Variants in TRAK1 observed in about 807,000 individuals in gnomAD.
TRAK1 encodes trafficking kinesin-binding protein 1.
Under a neutral mutation model 92.1 loss-of-function variants are expected in TRAK1, and 33 were observed. That is an observed-to-expected ratio of 0.36 (90% confidence interval 0.27 to 0.48). TRAK1 has a LOEUF of 0.48. Among genes scored for constraint, TRAK1 ranks in the 20% least tolerant of loss-of-function variants. The probability of loss-of-function intolerance (pLI) is 0.99; values close to 1 mark genes in which losing one functional copy is unlikely to be tolerated. For synonymous variants in TRAK1, 521 were observed against 517.3 expected, an observed-to-expected ratio of 1.01 and a Z score of -0.10; for missense variants, 1,123 against 1,257.9, an observed-to-expected ratio of 0.89 and a Z score of 1.62.
intron 2 of TRAK1, chr3:42,151,258 C>T (rs1699914825): frequency 2.3e-6 from 1 of 438,140 alleles, no homozygotes; most frequent in Non-Finnish European, 4.5e-6. Context: ...AAGCCAGTCG[C>T]TTGCCATGGT....
At chr3:42,014,077 C>G (rs1162901884) in exon 1 of TRAK1, 3 of 151,974 alleles carry the variant, frequency 2.0e-5, no homozygotes, top group Non-Finnish European at 4.4e-5. Flanking sequence ...CCCCCCGGCA[C>G]CGCGCCTGCT....
rs576183508 is a variant in TRAK1 at position 42,200,021 on chromosome 3, A to G, written c.1190+768A>G. ...ACACCTAGGGATATGAGCTTCTACCATCTGTCTTCCTACCTCAACTCTTGT... is the reference window on the plus strand; with the variant it reads ...ACACCTAGGGATATGAGCTTCTACCGTCTGTCTTCCTACCTCAACTCTTGT... On this transcript the variant is annotated intron_variant, in intron 11 of 15. Coordinates refer to ENST00000327628, the MANE Select transcript of TRAK1 (RefSeq NM_001042646.3). 2.6e-5 allele frequency among the ~76,000 whole-genome samples: 4 copies of G among 152,336 alleles called. No homozygotes were observed. In the South Asian group the frequency reaches 8.3e-4, roughly 32 times the overall value.
intron 1 of TRAK1, among the ~76,000 whole-genome samples, chr3:42,108,916 A>G (rs1707961407): frequency 6.6e-6 from 1 of 152,226 alleles, no homozygotes; most frequent in Non-Finnish European, 1.5e-5. Flanking sequence ...CAAAGTATGC[A>G]AAAGACTGGA....
intron 7 of TRAK1, among the ~76,000 whole-genome samples, chr3:42,191,952 G>A (rs1705817533): frequency 7.8e-6 from 1 of 128,726 alleles, no homozygotes; most frequent in African/African-American, 2.9e-5. Flanking sequence ...CCAGGCTAGA[G>A]TACAGTAGTT....
intron 1 of TRAK1, among the ~76,000 whole-genome samples, chr3:42,094,652 A>G (rs181764838): frequency 1.3e-5 from 2 of 152,360 alleles, no homozygotes; most frequent in Admixed American, 6.5e-5. Flanking sequence ...AATTATAGGT[A>G]TGAGCCCCAG....
chr3:42,052,257 T>G (rs968206637), intron 1 of TRAK1, among the ~76,000 whole-genome samples: 1 of 152,238 alleles, frequency 6.6e-6, no homozygotes, highest in African/African-American at 2.4e-5. Flanking sequence ...CCCCAACCAG[T>G]ACCGTCAGCA....
At chr3:42,211,699 A>G (rs1333304833) in intron 14 of TRAK1, 2 of 985,220 alleles carry the variant, frequency 2.0e-6, no homozygotes, top group African/African-American at 3.5e-5. Context: ...TATCAAGTCA[A>G]CAAAGAACTT....
Position 42,202,878 on chromosome 3 carries a change from C to A in TRAK1, c.1744+126C>A. 6.8e-7 allele frequency: 1 copy of A among 1,467,180 alleles called. No individual in the cohort carries two copies. The highest frequency in any genetic ancestry group is 9.0e-7 in the Non-Finnish European group (1 of 1,107,240). 90.9% of individuals were successfully genotyped at this position (1,467,180 alleles called of 1,614,324 possible). Reference sequence around the variant, plus strand: ...CTTTTTCTTCCGCGACAGCCACCCGCGCTGCTGGTTTGAGTTCCTCTGAGG... The same window carrying A: ...CTTTTTCTTCCGCGACAGCCACCCGAGCTGCTGGTTTGAGTTCCTCTGAGG... On this transcript the variant is annotated intron_variant, in intron 13 of 15. Transcript: ENST00000327628. The surrounding 1 kb of genome is among the most constrained non-coding windows in gnomAD (Gnocchi z 6.1).
intron 8 of TRAK1, 84 bp from the exon 9 acceptor site, chr3:42,193,740 C>T: frequency 7.5e-7 from 1 of 1,334,786 alleles, no homozygotes; most frequent in Non-Finnish European, 1.1e-6. Flanking sequence ...GTGATGAGTT[C>T]ATTACAGATT....
chr3:42,034,503 G>A (rs943354686), intron 1 of TRAK1, among the ~76,000 whole-genome samples: 2 of 152,030 alleles, frequency 1.3e-5, no homozygotes, highest in Non-Finnish European at 2.9e-5. Flanking sequence ...ATGTTGTCCC[G>A]GATGGTCTAA....
chr3:42,068,117 A>G lies in TRAK1; in HGVS notation c.-518-18987A>G, dbSNP rs549394107. ...GAGGTTGCAGTGAGCCAAGATCATA[A>G]TCACTGCACTCCAGCATGGGCAAGA... On this transcript the variant is annotated intron_variant, in intron 1 of 16. Transcript: ENST00000487159. Among the ~76,000 whole-genome samples, 355 of 143,232 alleles carry G rather than the reference A, an allele frequency of 2.5e-3. 1 individual carries two copies. Among genetic ancestry groups the G allele is most frequent in the Admixed American group, 5.7e-3 (85 of 14,924 alleles). 94.0% of individuals were successfully genotyped at this position (143,232 alleles called of 152,430 possible).
At position 42,058,809 on chromosome 3, in the gene TRAK1, G is replaced by A. The variant is rs1703307514; in HGVS notation, c.-518-28295G>A. Among the ~76,000 whole-genome samples the A allele has an allele frequency of 1.3e-5, 2 of 152,214 alleles. 1 individual carries two copies. The highest frequency in any genetic ancestry group is 4.1e-4 in the South Asian group (2 of 4,832). ...ATCGTAAGATACGCCATTGCTTTAT[G>A]TACCTCTAAGAAAGCAAAAAATGCT... On this transcript the variant is annotated intron_variant, in intron 1 of 16. Coordinates refer to the TRAK1 transcript ENST00000487159.
intron 1 of TRAK1, among the ~76,000 whole-genome samples, chr3:42,043,615 T>TGGG (rs140206820): frequency 8.1e-5 from 11 of 136,100 alleles, no homozygotes; most frequent in African/African-American, 1.3e-4. Flanking sequence ...TCCATGGAGC[T>TGGG]GGGGGGGGGG....
At chr3:42,054,150 T>G (rs1378659983) in intron 1 of TRAK1, among the ~76,000 whole-genome samples, 1 of 152,166 alleles carries the variant, frequency 6.6e-6, no homozygotes, top group Non-Finnish European at 1.5e-5. Flanking sequence ...CAATGAAAAA[T>G]GAATTTCATT....
rs543395242 is a variant in TRAK1, at chr3:42,215,664, G to A, written c.1964-3830G>A. On this transcript the variant is annotated intron_variant, in intron 14 of 15. Transcript: ENST00000327628. Reference sequence around the variant, plus strand: ...CACAAGTCGGCCACTTCCCAAGAGTGGCAAAAAGAACATGGAAGGCCCTCA... The same window carrying A: ...CACAAGTCGGCCACTTCCCAAGAGTAGCAAAAAGAACATGGAAGGCCCTCA... Among the ~76,000 whole-genome samples the A allele has an allele frequency of 3.3e-5, 5 of 152,310 alleles. No individual in the cohort carries two copies. In the East Asian group the frequency reaches 9.7e-4, roughly 29 times the overall value.
chr3:42,102,560 CAGAG>C (rs747541060), intron 1 of TRAK1, among the ~76,000 whole-genome samples: 1 of 152,196 alleles, frequency 6.6e-6, no homozygotes, highest in African/African-American at 2.4e-5. Flanking sequence ...CACGGACACT[CAGAG>C]AGAGGCGTCC....
chr3:42,147,788 G>T (rs1699498686), intron 2 of TRAK1, among the ~76,000 whole-genome samples: 2 of 152,206 alleles, frequency 1.3e-5, no homozygotes, highest in Admixed American at 1.3e-4. Flanking sequence ...AATGATAAGG[G>T]CCAGACATGG....
chr3:42,217,191 C>G (rs1258603324), intron 14 of TRAK1: 2 of 970,274 alleles, frequency 2.1e-6, no homozygotes, highest in African/African-American at 3.5e-5. Flanking sequence ...CATGAGGAGC[C>G]TCTGATGATC....
At chr3:42,130,194 C>A (rs962792139) in intron 2 of TRAK1, among the ~76,000 whole-genome samples, 52 of 151,990 alleles carry the variant, frequency 3.4e-4, no homozygotes, top group Non-Finnish European at 7.1e-4. Context: ...AGTCACATAA[C>A]ACGCAGCAGA....
Sources: gnomAD v4.1 joint callset for allele counts (sites outside exome capture counted in the v4.1 genomes callset) on GRCh38, gnomAD v4.1.1 for gene constraint, Gnocchi (gnomAD v3.1) non-coding constraint, MANE v1.5 for transcripts, NCBI Gene and HGNC (gene_info 2026-07-23, HGNC 2026-07-21) for gene names.